TNR: variants seen among roughly 807,000 people sequenced by gnomAD.
TNR encodes tenascin R, also known as tenascin-R.
TNR carries 45 observed loss-of-function variants against 150.4 expected under a neutral mutation model. The ratio of observed to expected loss-of-function variants is 0.30; its 90% CI spans 0.24 to 0.38. The LOEUF (loss-of-function observed/expected upper bound fraction) is 0.38. Among genes scored for constraint, TNR ranks in the 10% least tolerant of loss-of-function variants. TNR has a pLI of 1.00. For missense variants in TNR, 1,544 were observed against 1,759.1 expected (o/e 0.88, Z 2.19); for synonymous variants, 687 against 678.4 (o/e 1.01, Z -0.20).
At chr1:175,406,827 C>T in intron 2 of TNR, 50 bp from the exon 3 acceptor site, 2 of 1,385,112 alleles carry the variant, frequency 1.4e-6, no homozygotes, top group Non-Finnish European at 2.0e-6. Flanking sequence ...TATGCCTTGG[C>T]ACCATGGCTC....
Position 175,335,697 on chromosome 1 carries a change from T to A in TNR, c.3631+14A>T, listed in dbSNP as rs771563394. 3.1e-6 allele frequency: 5 copies of A among 1,609,020 alleles called. No individual in the cohort carries two copies. Among genetic ancestry groups the A allele is most frequent in the Non-Finnish European group, 8.5e-7 (1 of 1,177,706 alleles). On this transcript the variant is annotated intron_variant, in intron 20 of 22. Transcript: ENST00000367674. The stretch of plus-strand genomic sequence containing the variant: ...AGAGAAGCACATCAATGGAAAGCAA[T>A]AAGGAGGCTTTACCCAGCCAGAACT...
intron 1 of TNR, among the ~76,000 whole-genome samples, chr1:175,563,714 T>TG (rs1558008315): frequency 6.6e-6 from 1 of 152,214 alleles, no homozygotes; most frequent in Non-Finnish European, 1.5e-5. Context: ...AGACTTCTGC[T>TG]GGGAAAACGC....
At chr1:175,695,982 A>G (rs892554115) in intron 1 of TNR, among the ~76,000 whole-genome samples, 1 of 134,178 alleles carries the variant, frequency 7.5e-6, no homozygotes, top group Non-Finnish European at 1.5e-5. Context: ...GGACAGATGG[A>G]TATATGGATG....
At chr1:175,558,743 AT>A (rs983079398) in intron 1 of TNR, among the ~76,000 whole-genome samples, 77 of 152,208 alleles carry the variant, frequency 5.1e-4, no homozygotes, top group African/African-American at 1.6e-3. Context: ...CTTTATTATA[AT>A]TTTTTTAAAG....
intron 2 of TNR, among the ~76,000 whole-genome samples, chr1:175,500,425 C>T (rs1658683227): frequency 1.3e-5 from 2 of 152,192 alleles, no homozygotes; most frequent in Non-Finnish European, 2.9e-5. Flanking sequence ...TAGCTGCAGA[C>T]CCAGTAACCC....
chr1:175,717,830 C>T (rs2101941469), intron 1 of TNR, among the ~76,000 whole-genome samples: 1 of 152,260 alleles, frequency 6.6e-6, no homozygotes, highest in South Asian at 2.1e-4. Flanking sequence ...TGCAGGGTGT[C>T]CTCATGGGTG....
intron 2 of TNR, among the ~76,000 whole-genome samples, chr1:175,443,596 G>A (rs574954582): frequency 6.6e-6 from 1 of 152,294 alleles, no homozygotes; most frequent in East Asian, 1.9e-4. Flanking sequence ...CTGGGGTAGA[G>A]GGTGAGACAG....
chr1:175,619,052 G>A (rs1296276601), intron 1 of TNR, among the ~76,000 whole-genome samples: 7 of 152,122 alleles, frequency 4.6e-5, no homozygotes, highest in Non-Finnish European at 8.8e-5. Context: ...AGAGCAAATG[G>A]CCTCCATGAA....
intron 1 of TNR, among the ~76,000 whole-genome samples, chr1:175,603,553 G>A (rs1176535872): frequency 2.0e-5 from 3 of 152,220 alleles, no homozygotes; most frequent in Non-Finnish European, 4.4e-5. Context: ...ATGATGCTTT[G>A]ATGAATTCTC....
chr1:175,463,484 T>A (rs1015259607), intron 2 of TNR, among the ~76,000 whole-genome samples: 1 of 152,250 alleles, frequency 6.6e-6, no homozygotes, highest in African/African-American at 2.4e-5. Context: ...ACAATTCTCA[T>A]TATGTTGACT....
intron 2 of TNR, among the ~76,000 whole-genome samples, chr1:175,486,373 G>A (rs1382373757): frequency 6.6e-6 from 1 of 152,048 alleles, no homozygotes; most frequent in Non-Finnish European, 1.5e-5. Flanking sequence ...AGAACATGCG[G>A]TGTTTGGTTT....
At chr1:175,416,491 T>G (rs1654457634) in intron 2 of TNR, among the ~76,000 whole-genome samples, 2 of 152,228 alleles carry the variant, frequency 1.3e-5, no homozygotes, top group Non-Finnish European at 2.9e-5. Flanking sequence ...AATGTCTATT[T>G]TTCATCTGTG....
intron 1 of TNR, among the ~76,000 whole-genome samples, chr1:175,672,728 C>T (rs1665739062): frequency 6.6e-6 from 1 of 152,198 alleles, no homozygotes; most frequent in Non-Finnish European, 1.5e-5. Context: ...ACCTGGGGTC[C>T]CACTGTTTCA....
intron 2 of TNR, among the ~76,000 whole-genome samples, chr1:175,519,606 CA>C (rs1314894388): frequency 6.6e-6 from 1 of 152,196 alleles, no homozygotes; most frequent in Non-Finnish European, 1.5e-5. Context: ...GCCATTATCA[CA>C]ATAATTATCA....
intron 2 of TNR, among the ~76,000 whole-genome samples, chr1:175,409,821 TC>T (rs1178484291): frequency 6.6e-6 from 1 of 151,342 alleles, no homozygotes; most frequent in East Asian, 1.9e-4. Context: ...TATATGCTGG[TC>T]TTTTTCTTTA....
chr1:175,569,604 A>G (rs536538932), intron 1 of TNR, among the ~76,000 whole-genome samples: 1 of 152,228 alleles, frequency 6.6e-6, no homozygotes, highest in Non-Finnish European at 1.5e-5. Flanking sequence ...CGGTACTCAT[A>G]GAACTGTCAG....
At chr1:175,369,320 G>A (rs1164655476) in intron 9 of TNR, among the ~76,000 whole-genome samples, 1 of 152,164 alleles carries the variant, frequency 6.6e-6, no homozygotes, top group Non-Finnish European at 1.5e-5. Flanking sequence ...GGTGTCGCCA[G>A]GACCATGCTT....
chr1:175,563,119 G>A (rs976355916), intron 1 of TNR, among the ~76,000 whole-genome samples: 13 of 152,188 alleles, frequency 8.5e-5, no homozygotes, highest in African/African-American at 2.9e-4. Flanking sequence ...CATGACATTG[G>A]CACGGGCCTG....
chr1:175,521,736 G>A (rs1286021768), intron 2 of TNR, among the ~76,000 whole-genome samples: 1 of 151,990 alleles, frequency 6.6e-6, no homozygotes, highest in Admixed American at 6.6e-5. Flanking sequence ...TATTTTCAAG[G>A]CCCAGCTCAA....
Sources: allele counts gnomAD v4.1 joint callset (sites outside exome capture counted in the v4.1 genomes callset), GRCh38; gene constraint gnomAD v4.1.1; transcripts MANE v1.5; gene names NCBI Gene and HGNC (gene_info 2026-07-23, HGNC 2026-07-21).